The following TIMM44 variants were observed in gnomAD, a reference collection of about 807,000 sequenced individuals.
TIMM44 encodes translocase of inner mitochondrial membrane 44.
Under a neutral mutation model 63.8 loss-of-function variants are expected in TIMM44, and 37 were observed. The ratio of observed to expected loss-of-function variants is 0.58; its 90% CI spans 0.45 to 0.76. The LOEUF (loss-of-function observed/expected upper bound fraction) is 0.76, where lower values mean the gene tolerates loss of function less well. TIMM44 is among the 30% of genes least tolerant of loss of function. TIMM44 has a pLI of 0.00. For synonymous variants in TIMM44, 239 were observed against 245.1 expected, an observed-to-expected ratio of 0.98 and a Z score of 0.23; for missense variants, 573 against 603.8, an observed-to-expected ratio of 0.95 and a Z score of 0.54.
rs762361797 is a variant in TIMM44 at position 7,941,080 on chromosome 19, C to T, written c.141+22G>A. The T allele has an allele frequency of 1.9e-6, 3 of 1,606,240 alleles. No homozygotes were observed. The African/African-American group carries it at 4.0e-5, about 22-fold the overall frequency. ...TCGGGCCTCCCCTGTGTCTGCTGGC[C>T]CGAGCATCCTGAGTCACTCACCAGT... On this transcript the variant is annotated intron_variant, in intron 2 of 12. Coordinates refer to ENST00000270538, the MANE Select transcript of TIMM44 (RefSeq NM_006351.4).
intron 3 of TIMM44, among the ~76,000 whole-genome samples, chr19:7,935,497 C>T (rs1052625893): frequency 6.6e-6 from 1 of 152,174 alleles, no homozygotes; most frequent in African/African-American, 2.4e-5. Context: ...TATGTTCTGA[C>T]ACGGCAGTGA....
intron 10 of TIMM44, chr19:7,928,518 G>T (rs1381934709): frequency 7.1e-6 from 2 of 280,262 alleles, no homozygotes; most frequent in Non-Finnish European, 1.4e-5. Flanking sequence ...TCTGAATCTT[G>T]GCCTGAGATC....
rs375127775 is a variant in TIMM44, at chr19:7,935,158, C to T, written c.313-13G>A. On this transcript the variant is annotated splice_polypyrimidine_tract_variant and intron_variant, in intron 3 of 12. Coordinates refer to ENST00000270538, the MANE Select transcript of TIMM44 (RefSeq NM_006351.4). The stretch of plus-strand genomic sequence containing the variant: ...ACTCGATGGTTTTCTAGGTAAAGAG[C>T]GCTGTGTCCTTTTTTTTTTTTTTTT... 1.3e-3 allele frequency: 1,824 copies of T among 1,394,418 alleles called. 4 individuals carry two copies. Among genetic ancestry groups the T allele is most frequent in the Middle Eastern group, 1.7e-3 (9 of 5,294 alleles). The allele number at this position is 1,394,418 out of a possible 1,614,324, so 86.4% of individuals were successfully genotyped here.
Position 7,934,359 on chromosome 19 carries a change from G to GC in TIMM44, c.394-122dup. ...ATCTGGTTCCCCGAGGCCGGCAGAGGCCTTCTGTGCTCCTGTGGTACGCGG... is the reference window on the plus strand; with the variant it reads ...ATCTGGTTCCCCGAGGCCGGCAGAGGCCCTTCTGTGCTCCTGTGGTACGCGG... On this transcript the variant is annotated intron_variant, in intron 4 of 12. Coordinates refer to ENST00000270538, the MANE Select transcript of TIMM44 (RefSeq NM_006351.4). This position sits in a 1 kb window ranked among gnomAD's most constrained non-coding sequence, Gnocchi z 5.3. The GC allele has an allele frequency of 7.5e-7, 1 of 1,326,756 alleles. No homozygotes were observed. Among genetic ancestry groups the GC allele is most frequent in the Non-Finnish European group, 1.1e-6 (1 of 940,412 alleles). The allele number at this position is 1,326,756 out of a possible 1,614,324, so 82.2% of individuals were successfully genotyped here.
chr19:7,931,539 C>A (rs1983982458), intron 9 of TIMM44: 3 of 353,430 alleles, frequency 8.5e-6, no homozygotes, highest in Non-Finnish European at 1.6e-5. Flanking sequence ...GATGAGGACC[C>A]AACTCCGGCT....
In TIMM44 at chr19:7,934,065, G is replaced by A. The variant is rs1568296419; in HGVS notation, c.543+24C>T. 1.2e-6 allele frequency: 2 copies of A among 1,613,238 alleles called. No individual in the cohort carries two copies. The highest frequency in any genetic ancestry group is 1.1e-5 in the South Asian group (1 of 91,088). On this transcript the variant is annotated intron_variant, in intron 5 of 12. Coordinates refer to ENST00000270538, the MANE Select transcript of TIMM44 (RefSeq NM_006351.4). This position sits in a 1 kb window ranked among gnomAD's most constrained non-coding sequence, Gnocchi z 5.3. ...TGGGTTCGGCCGCCCCAGGCTGCAT[G>A]CCCTAGCCCAGGACTGGGCTCACCT...
intron 10 of TIMM44, among the ~76,000 whole-genome samples, chr19:7,930,303 CTTTTTTTTTTT>C (rs71179159): frequency 6.4e-5 from 7 of 109,498 alleles, no homozygotes; most frequent in African/African-American, 7.4e-5. Context: ...ATGCTTGGCT[CTTTTTTTTTTT>C]TTTTTTTTTT....
In TIMM44 at chr19:7,933,514, T is replaced by C; in HGVS notation, c.740A>G (p.Asp247Gly). 4 of 1,614,082 alleles carry C rather than the reference T, an allele frequency of 2.5e-6. No homozygotes were observed. The highest frequency in any genetic ancestry group is 3.4e-6 in the Non-Finnish European group (4 of 1,180,002). The change falls in exon 7 of 13, where the codon GAC (aspartate) becomes GGC (glycine). Residue 247 changes from aspartate to glycine, a missense_variant. By Grantham distance (94) the Asp-to-Gly change is moderately conservative. Coordinates refer to ENST00000270538, the MANE Select transcript of TIMM44 (RefSeq NM_006351.4). The surrounding 1 kb of genome is among the most constrained non-coding windows in gnomAD (Gnocchi z 4.3). ...AAACACCACGTTGTTCTCCTTGAAGTCCTTCCACTGCTGGTACCACTTGGA... is the reference window on the plus strand; with the variant it reads ...AAACACCACGTTGTTCTCCTTGAAGCCCTTCCACTGCTGGTACCACTTGGA... ...KDSKWYQQWK[D>G]FKENNVVFNR...
rs1486661410 is a variant in TIMM44, at chr19:7,932,657, G to GTT, written c.956_957insAA (p.Cys319Ter). Residue 319 changes from cysteine (C) to a stop codon, truncating the protein, a stop_gained and frameshift_variant, in exon 9 of 13, where the codon TGC (cysteine) becomes TGAAC (stop). Transcript: ENST00000270538. LOFTEE classifies it high-confidence loss of function. Reference sequence around the variant, plus strand: ...GGACATTGGGGATGATGTCGTTCTCGCACTGTTTCAGAAACCGGTCCTTGT... The same window carrying GTT: ...GGACATTGGGGATGATGTCGTTCTCGTTCACTGTTTCAGAAACCGGTCCTTGT... ...AFDKDRFLKQ[C>*]ENDIIPNVLE... is the part of the protein sequence containing the mutation. 6.2e-7 allele frequency: 1 copy of GTT among 1,613,934 alleles called. No individual in the cohort carries two copies. The highest frequency in any genetic ancestry group is 1.7e-4 in the Middle Eastern group (1 of 6,030).
Position 7,932,732 on chromosome 19 carries a change from T to C in TIMM44, c.882A>G (p.Thr294=). 1 of 1,614,098 alleles carries C rather than the reference T, an allele frequency of 6.2e-7. No individual in the cohort carries two copies. Among genetic ancestry groups the C allele is most frequent in the Non-Finnish European group, 8.5e-7 (1 of 1,179,964 alleles). The stretch of plus-strand genomic sequence containing the variant: ...TCTCCGTGAGCACCTCCGACATCTC[T>C]GTCTTGGAGAACAGGCCCCCTGCAG... ...TDLLGGLFSK[T]EMSEVLTEIL... is the part of the protein sequence containing the mutation. The change falls in exon 9 of 13, where the codon ACA becomes ACG. Residue 294 remains threonine (T), a synonymous_variant. Transcript: ENST00000270538.
chr19:7,939,330 G>C (rs1017648255), intron 2 of TIMM44, among the ~76,000 whole-genome samples: 1 of 152,162 alleles, frequency 6.6e-6, no homozygotes, highest in Non-Finnish European at 1.5e-5. Context: ...AGCAAAACAA[G>C]GCCGGGCGCA....
At chr19:7,939,861 G>A (rs990287841) in intron 2 of TIMM44, among the ~76,000 whole-genome samples, 3 of 151,420 alleles carry the variant, frequency 2.0e-5, no homozygotes, top group Non-Finnish European at 4.4e-5. Flanking sequence ...TGCAGTGAGC[G>A]GTATCTCGCC....
intron 1 of TIMM44, among the ~76,000 whole-genome samples, chr19:7,942,434 T>G (rs1984335046): frequency 6.7e-6 from 1 of 150,370 alleles, no homozygotes; most frequent in Non-Finnish European, 1.5e-5. Context: ...CATAAAAAAT[T>G]GGGGGAAAAA....
At position 7,934,155 on chromosome 19, in the gene TIMM44, C is replaced by T. The variant is rs749770608; in HGVS notation, c.477G>A (p.Ser159=). The T allele has an allele frequency of 1.4e-5, 23 of 1,613,468 alleles. No homozygotes were observed. In the East Asian group the frequency reaches 3.1e-4, roughly 22 times the overall value. Reference sequence around the variant, plus strand: ...CCCCGCCTTTGGATACCGACTCGGCCGACTGCTTGGCCGTCTTGGCTGCTT... The same window carrying T: ...CCCCGCCTTTGGATACCGACTCGGCTGACTGCTTGGCCGTCTTGGCTGCTT... ...VEEAAKTAKQ[S]AESVSKGGEK... Residue 159 remains serine (S), a synonymous_variant, in exon 5 of 13, where the codon TCG becomes TCA. Coordinates refer to ENST00000270538, the MANE Select transcript of TIMM44 (RefSeq NM_006351.4). This position sits in a 1 kb window ranked among gnomAD's most constrained non-coding sequence, Gnocchi z 5.3.
chr19:7,940,503 C>G (rs1430182134), intron 2 of TIMM44, among the ~76,000 whole-genome samples: 1 of 152,018 alleles, frequency 6.6e-6, no homozygotes, highest in Non-Finnish European at 1.5e-5. Flanking sequence ...GGCCCCAGGA[C>G]AGGACTGGAG....
At chr19:7,937,017 G>A (rs529757794) in intron 3 of TIMM44, among the ~76,000 whole-genome samples, 9 of 151,270 alleles carry the variant, frequency 5.9e-5, no homozygotes, top group South Asian at 2.1e-4. Flanking sequence ...CAGGAGAATC[G>A]CTTGAGCCTA....
intron 2 of TIMM44, 37 bp downstream of exon 2, chr19:7,941,065 C>T (rs1449749791): frequency 1.3e-6 from 2 of 1,570,996 alleles, no homozygotes; most frequent in African/African-American, 2.7e-5. Context: ...TCGGGCCTCC[C>T]CTGTGTCTGC....
chr19:7,935,030 G>C, intron 4 of TIMM44, 35 bp downstream of exon 4: 1 of 1,588,840 alleles, frequency 6.3e-7, no homozygotes, highest in Non-Finnish European at 8.6e-7. Flanking sequence ...GACTTTGATG[G>C]CCCCAGCGGC....
rs1984044300 is a variant in TIMM44, at chr19:7,933,428, G to C, written c.769+57C>G. The C allele has an allele frequency of 6.7e-7, 1 of 1,484,942 alleles. No individual in the cohort carries two copies. The highest frequency in any genetic ancestry group is 9.4e-7 in the Non-Finnish European group (1 of 1,062,052). The allele number at this position is 1,484,942 out of a possible 1,614,324, so 92.0% of individuals were successfully genotyped here. ...GTGCCCAATGCAGGGGGATCACCTT[G>C]CGGTCCACCAACTGCCCGGGACACA... On this transcript the variant is annotated intron_variant, in intron 7 of 12. Coordinates refer to ENST00000270538, the MANE Select transcript of TIMM44 (RefSeq NM_006351.4). The surrounding 1 kb of genome is among the most constrained non-coding windows in gnomAD (Gnocchi z 4.3).
Sources: gnomAD v4.1 joint callset for allele counts (sites outside exome capture counted in the v4.1 genomes callset) on GRCh38, gnomAD v4.1.1 for gene constraint, Gnocchi (gnomAD v3.1) non-coding constraint, MANE v1.5 for transcripts, NCBI Gene and HGNC (gene_info 2026-07-23, HGNC 2026-07-21) for gene names.